Variants in MAML2 observed in about 807,000 individuals in gnomAD.
MAML2 encodes the protein mastermind-like protein 2.
Under a neutral mutation model 96.1 loss-of-function variants are expected in MAML2, and 22 were observed. The observed-to-expected ratio is 0.23, with a 90% confidence interval of 0.16 to 0.33. MAML2 has a LOEUF of 0.33. Ranked by LOEUF, MAML2 falls within the 10% of genes least tolerant of loss-of-function variation. The pLI, the probability that MAML2 is intolerant of heterozygous loss-of-function variation, is 1.00. For synonymous variants in MAML2, 561 were observed against 521.3 expected (o/e 1.08, Z -1.04); for missense variants, 1,367 against 1,392.4 (o/e 0.98, Z 0.29).
Position 96,262,529 on chromosome 11 carries a change from G to T in MAML2, c.513+78854C>A, listed in dbSNP as rs574350013. On this transcript the variant is annotated intron_variant, in intron 1 of 4. Transcript: ENST00000524717. Reference sequence around the variant, plus strand: ...GTTGCCCGGGCTGGAGTGCAGTGGCGCAATCTCAGCTCACTGCAACCTCCG... The same window carrying T: ...GTTGCCCGGGCTGGAGTGCAGTGGCTCAATCTCAGCTCACTGCAACCTCCG... 2.5e-4 allele frequency among the ~76,000 whole-genome samples: 38 copies of T among 151,182 alleles called. No homozygotes were observed. The South Asian group carries it at 2.9e-3, about 12-fold the overall frequency.
At chr11:96,150,184 C>T (rs1722682820) in intron 1 of MAML2, among the ~76,000 whole-genome samples, 1 of 152,216 alleles carries the variant, frequency 6.6e-6, no homozygotes. Context: ...TGCTCTTCCT[C>T]CTGATTCATA....
At chr11:96,028,486 C>G (rs543103212) in intron 2 of MAML2, among the ~76,000 whole-genome samples, 2 of 152,302 alleles carry the variant, frequency 1.3e-5, no homozygotes, top group East Asian at 3.9e-4. Flanking sequence ...CTTTTTTCCC[C>G]ATTTACTTAA....
chr11:96,152,734 T>C (rs1204073090), intron 1 of MAML2, among the ~76,000 whole-genome samples: 1 of 152,224 alleles, frequency 6.6e-6, no homozygotes, highest in Admixed American at 6.5e-5. Context: ...AATACTGTGT[T>C]CACAGAATGC....
At chr11:96,157,004 A>G (rs1297334161) in intron 1 of MAML2, among the ~76,000 whole-genome samples, 4 of 152,360 alleles carry the variant, frequency 2.6e-5, no homozygotes, top group Middle Eastern at 3.4e-3. Flanking sequence ...CAGTCAAGGC[A>G]GACTCAGAAG....
intron 2 of MAML2, among the ~76,000 whole-genome samples, chr11:95,995,847 G>A (rs934863639): frequency 6.6e-5 from 10 of 152,014 alleles, no homozygotes; most frequent in African/African-American, 2.4e-4. Flanking sequence ...AAGATCTCTG[G>A]CATACAGTTT....
At chr11:96,292,355 T>A (rs1863225254) in intron 1 of MAML2, among the ~76,000 whole-genome samples, 1 of 152,238 alleles carries the variant, frequency 6.6e-6, no homozygotes, top group Non-Finnish European at 1.5e-5. Context: ...AGGAAATGAA[T>A]TTTTATCTAT....
At chr11:95,999,574 T>TA (rs5793766) in intron 2 of MAML2, among the ~76,000 whole-genome samples, 1,933 of 138,530 alleles carry the variant, frequency 0.014, 31 homozygotes, top group South Asian at 0.063. Context: ...TTCTCTTAAT[T>TA]AAAAAAAAAA....
rs117965402 is a variant in MAML2 at position 96,158,700 on chromosome 11, G to A, written c.514-65183C>T. Among the ~76,000 whole-genome samples the A allele has an allele frequency of 6.6e-3, 1,001 of 152,254 alleles. 5 individuals are homozygous for A. The highest frequency in any genetic ancestry group is 0.011 in the Non-Finnish European group (728 of 68,012). ...ACCATGTGGAGAACTACTAGTCTGG[G>A]CATTTGCTGCCTGAAGGCCCCCTAG... On this transcript the variant is annotated intron_variant, in intron 1 of 4. Coordinates refer to ENST00000524717, the MANE Select transcript of MAML2 (RefSeq NM_032427.4).
intron 1 of MAML2, among the ~76,000 whole-genome samples, chr11:96,102,768 G>A (rs1273860594): frequency 6.6e-6 from 1 of 152,176 alleles, no homozygotes; most frequent in Non-Finnish European, 1.5e-5. Context: ...GCAAGGATCT[G>A]AGGGGACATT....
chr11:96,157,515 C>T (rs1861029190), intron 1 of MAML2, among the ~76,000 whole-genome samples: 1 of 152,222 alleles, frequency 6.6e-6, no homozygotes, highest in South Asian at 2.1e-4. Context: ...TTACCTCTCC[C>T]CACCACCATT....
intron 1 of MAML2, among the ~76,000 whole-genome samples, chr11:96,339,932 C>T (rs1434612265): frequency 6.6e-6 from 1 of 152,198 alleles, no homozygotes; most frequent in South Asian, 2.1e-4. Flanking sequence ...TCTAATACAA[C>T]CCCACAAGCT....
chr11:96,042,744 C>CTTTTTTTTT (rs767509829), intron 2 of MAML2, among the ~76,000 whole-genome samples: 1 of 116,262 alleles, frequency 8.6e-6, no homozygotes, highest in Non-Finnish European at 1.7e-5. Flanking sequence ...CGTTAACGTT[C>CTTTTTTTTT]TTTTTTTTTT....
intron 2 of MAML2, among the ~76,000 whole-genome samples, chr11:96,070,276 C>T (rs559267060): frequency 3.2e-4 from 48 of 152,044 alleles, no homozygotes; most frequent in African/African-American, 1.1e-3. Context: ...GGCGACACAG[C>T]GAGACTCCGT....
intron 2 of MAML2, among the ~76,000 whole-genome samples, chr11:96,008,462 T>A (rs1858220434): frequency 6.6e-6 from 1 of 152,224 alleles, no homozygotes; most frequent in Non-Finnish European, 1.5e-5. Context: ...CATTTGGGAC[T>A]GGAACAACTT....
chr11:96,037,573 T>C (rs540926060), intron 2 of MAML2, among the ~76,000 whole-genome samples: 6 of 152,334 alleles, frequency 3.9e-5, no homozygotes, highest in Non-Finnish European at 7.4e-5. Context: ...GAAGCTTAGA[T>C]TGATACTATG....
intron 2 of MAML2, among the ~76,000 whole-genome samples, chr11:96,037,201 AC>A (rs1490529658): frequency 4.0e-5 from 6 of 151,306 alleles, no homozygotes; most frequent in East Asian, 2.0e-4. Flanking sequence ...AAAAACAACA[AC>A]AACAAAAAAA....
Position 95,979,829 on chromosome 11 carries a change from C to G in MAML2, c.2590G>C (p.Val864Leu), listed in dbSNP as rs760915556. The change falls in exon 5 of 5, where the codon GTT (valine) becomes CTT (leucine). Residue 864 changes from valine to leucine, a missense_variant. Val to Leu is a conservative substitution (Grantham distance 32). Transcript: ENST00000524717. ...TTTCCATACATCCCCATATTCTGAA[C>G]TGCTGTAGATAATGATGGCATTCTT... Reference protein sequence around the residue: ...GTRMPSLSTAVQNMGMYGNLP... With the variant: ...GTRMPSLSTALQNMGMYGNLP... 5.0e-6 allele frequency: 8 copies of G among 1,613,836 alleles called. No individual in the cohort carries two copies. In the Admixed American group the frequency reaches 1.3e-4, roughly 27 times the overall value.
At chr11:96,053,563 C>T (rs542961445) in intron 2 of MAML2, among the ~76,000 whole-genome samples, 5 of 151,620 alleles carry the variant, frequency 3.3e-5, no homozygotes, top group South Asian at 2.1e-4. Flanking sequence ...TCCTTTGGGA[C>T]GGGAAACTCA....
intron 2 of MAML2, among the ~76,000 whole-genome samples, chr11:96,073,381 T>C (rs1351412735): frequency 6.7e-6 from 1 of 150,006 alleles, no homozygotes; most frequent in Non-Finnish European, 1.5e-5. Context: ...AGTGCAGTGG[T>C]GCTATCTCAG....
Sources: allele counts gnomAD v4.1 joint callset (sites outside exome capture counted in the v4.1 genomes callset), GRCh38; gene constraint gnomAD v4.1.1; transcripts MANE v1.5; gene names NCBI Gene and HGNC (gene_info 2026-07-23, HGNC 2026-07-21).